HEATR4: variants seen among roughly 807,000 people sequenced by gnomAD.
HEATR4 encodes HEAT repeat containing 4, also known as HEAT repeat-containing protein 4.
A neutral mutation model predicts 108.8 loss-of-function variants in HEATR4; 95 were observed. The observed-to-expected ratio is 0.87, with a 90% CI of 0.74 to 1.04. The LOEUF (loss-of-function observed/expected upper bound fraction) is 1.04. HEATR4 is among the 50% of genes least tolerant of loss of function. The probability of loss-of-function intolerance (pLI) is 0.00; values close to 1 mark genes in which losing one functional copy is unlikely to be tolerated. For synonymous variants in HEATR4, 443 were observed against 459.4 expected (o/e 0.96, Z 0.46); for missense variants, 1,152 against 1,253.8 (o/e 0.92, Z 1.23).
chr14:73,495,122 G>C (rs1367476626), intron 16 of HEATR4, 106 bp downstream of exon 16: 3 of 935,072 alleles, frequency 3.2e-6, no homozygotes, highest in African/African-American at 3.3e-5. Flanking sequence ...ACCCTTTCCT[G>C]ACTCTTTCAT....
chr14:73,504,600 T>C (rs1886691989), intron 10 of HEATR4, among the ~76,000 whole-genome samples: 1 of 152,164 alleles, frequency 6.6e-6, no homozygotes, highest in African/African-American at 2.4e-5. Flanking sequence ...TCCAGGACTT[T>C]AGCAGCAGGG....
At chr14:73,586,262 G>A in the HEATR4 span, among the ~76,000 whole-genome samples, 12 of 151,514 alleles carry the variant, frequency 7.9e-5, no homozygotes, top group South Asian at 6.2e-4. Context: ...GCATCGTGGC[G>A]CATGCCTGTA....
chr14:73,574,981 T>C, the HEATR4 span: 2 of 1,604,156 alleles, frequency 1.2e-6, no homozygotes, highest in South Asian at 2.2e-5. Context: ...GCCTCTTTCC[T>C]GAAGGGCATC....
intron 5 of HEATR4, chr14:73,517,302 C>G (rs939991216): frequency 2.6e-5 from 4 of 152,186 alleles, no homozygotes; most frequent in African/African-American, 9.6e-5. Context: ...CTCAAGCGAT[C>G]TGCCTGCCTC....
the HEATR4 span, among the ~76,000 whole-genome samples, chr14:73,622,617 C>T: frequency 6.6e-6 from 1 of 151,940 alleles, no homozygotes; most frequent in Non-Finnish European, 1.5e-5. Flanking sequence ...TCAGGCTGGT[C>T]TCGAACTCCT....
the HEATR4 span, chr14:73,612,647 C>T: frequency 7.1e-7 from 1 of 1,406,148 alleles, no homozygotes; most frequent in Non-Finnish European, 9.2e-7. Flanking sequence ...AGTGCGCGGC[C>T]TGGCCCCGGA....
At chr14:73,576,940 T>TC in the HEATR4 span, among the ~76,000 whole-genome samples, 1 of 148,988 alleles carries the variant, frequency 6.7e-6, no homozygotes, top group African/African-American at 2.5e-5. Flanking sequence ...TTCTTTTTTT[T>TC]TTTTTTTTGA....
the HEATR4 span, chr14:73,574,863 G>A: frequency 1.2e-6 from 2 of 1,613,042 alleles, no homozygotes; most frequent in Admixed American, 3.3e-5. Flanking sequence ...ATATTCCACT[G>A]TTTGTGGAAT....
chr14:73,530,644 T>A (rs1483048341), intron 1 of HEATR4: 1 of 120,454 alleles, frequency 8.3e-6, no homozygotes, highest in Non-Finnish European at 1.8e-5. Context: ...CTTGATTTGT[T>A]TTTTGTTTGT....
At chr14:73,573,417 A>G in the HEATR4 span, 43 of 1,613,592 alleles carry the variant, frequency 2.7e-5, 1 homozygote, top group Non-Finnish European at 3.6e-5. Context: ...GATTGTGGAC[A>G]TGTTCGGAAC....
intron 17 of HEATR4, among the ~76,000 whole-genome samples, chr14:73,479,316 C>T (rs1467832797): frequency 6.6e-6 from 1 of 151,874 alleles, no homozygotes; most frequent in African/African-American, 2.4e-5. Context: ...GAGGTTTCAC[C>T]GTGTTAGCCA....
chr14:73,507,865 C>T (rs1458243720), intron 9 of HEATR4, among the ~76,000 whole-genome samples: 1 of 152,200 alleles, frequency 6.6e-6, no homozygotes, highest in Non-Finnish European at 1.5e-5. Context: ...GCCTCAGCCT[C>T]CCGAGTAGCT....
intron 1 of HEATR4, among the ~76,000 whole-genome samples, chr14:73,535,346 C>A (rs1190107577): frequency 8.8e-6 from 1 of 113,720 alleles, no homozygotes; most frequent in South Asian, 2.8e-4. Context: ...ATATGAGTTT[C>A]TTTTCCAAAT....
the HEATR4 span, among the ~76,000 whole-genome samples, chr14:73,600,783 G>A: frequency 6.6e-6 from 1 of 152,052 alleles, no homozygotes; most frequent in African/African-American, 2.4e-5. Context: ...ACTTTGTGGG[G>A]TTTTCTAAAA....
rs183630830 is a variant in HEATR4, at chr14:73,496,904, T to G, written c.2547-225A>C. ...TGGGTTTTTTGTTTACTTTTTGTTT[T>G]TGCGAGATGGAGTCTTGCTCTGTTT... is the stretch of plus-strand genomic sequence containing the variant. On this transcript the variant is annotated intron_variant, in intron 14 of 17. Transcript: ENST00000553558. Among the ~76,000 whole-genome samples, 11 of 152,352 alleles carry G rather than the reference T, an allele frequency of 7.2e-5. No homozygotes were observed. The East Asian group carries it at 1.7e-3, about 24-fold the overall frequency.
intron 2 of HEATR4, among the ~76,000 whole-genome samples, chr14:73,525,483 G>A (rs1280032309): frequency 2.0e-5 from 3 of 152,138 alleles, no homozygotes; most frequent in Admixed American, 6.5e-5. Flanking sequence ...TGAAGGCAAC[G>A]TCTTCATGAA....
At chr14:73,571,400 G>T in the HEATR4 span, 1 of 153,478 alleles carries the variant, frequency 6.5e-6, no homozygotes, top group Non-Finnish European at 1.5e-5. Context: ...TCATACTTTG[G>T]CAGGGGCTGG....
At chr14:73,500,421 AC>A in intron 12 of HEATR4, 128 bp downstream of exon 12, 1 of 988,278 alleles carries the variant, frequency 1.0e-6, no homozygotes, top group Non-Finnish European at 1.5e-6. Flanking sequence ...TGGCTTATAC[AC>A]CCCCTTCCCA....
the HEATR4 span, among the ~76,000 whole-genome samples, chr14:73,607,869 C>T: frequency 6.6e-6 from 1 of 151,784 alleles, no homozygotes; most frequent in Non-Finnish European, 1.5e-5. Context: ...GGTGATCCAC[C>T]CACCTCGGCC....
Sources: allele counts gnomAD v4.1 joint callset (sites outside exome capture counted in the v4.1 genomes callset), GRCh38; gene constraint gnomAD v4.1.1; transcripts MANE v1.5; gene names NCBI Gene and HGNC (gene_info 2026-07-23, HGNC 2026-07-21).